Variants in ZNF626 observed in about 807,000 individuals in gnomAD.
ZNF626 encodes the protein CTC-513N18.7.
Under a neutral mutation model 11.7 loss-of-function variants are expected in ZNF626, and 4 were observed. The observed-to-expected ratio is 0.34, with a 90% CI of 0.17 to 0.78. ZNF626 has a LOEUF of 0.78. Ranked by LOEUF, ZNF626 falls within the 30% of genes least tolerant of loss-of-function variation. ZNF626 has a pLI of 0.57. For synonymous variants in ZNF626, 179 were observed against 198.6 expected, an observed-to-expected ratio of 0.90 and a Z score of 0.83; for missense variants, 588 against 587.1, an observed-to-expected ratio of 1.00 and a Z score of -0.01.
intron 3 of ZNF626, chr19:20,644,613 T>C (rs1970055284): frequency 8.3e-6 from 1 of 119,782 alleles, no homozygotes; most frequent in African/African-American, 3.6e-5. Flanking sequence ...AACTATATTG[T>C]GCCCATTTTC....
At chr19:20,633,034 G>A (rs1452995280) in intron 3 of ZNF626, among the ~76,000 whole-genome samples, 2 of 152,160 alleles carry the variant, frequency 1.3e-5, no homozygotes, top group Non-Finnish European at 2.9e-5. Flanking sequence ...GTCTGTTGAA[G>A]TTTGCTGGAG....
At chr19:20,645,521 A>G (rs1181365032) in intron 3 of ZNF626, 163 bp downstream of exon 3, 6 of 1,565,400 alleles carry the variant, frequency 3.8e-6, no homozygotes, top group Non-Finnish European at 5.2e-6. Flanking sequence ...AGCAAAATTA[A>G]AAAAGAAAAA....
rs1969804960 is a variant in ZNF626 at position 20,624,855 on chromosome 19, T to TA, written c.1021dup (p.Tyr341LeufsTer4). On this transcript the variant is annotated frameshift_variant, in exon 4 of 4. Coordinates refer to ENST00000601440, the MANE Select transcript of ZNF626 (RefSeq NM_001076675.3). LOFTEE classifies it low-confidence loss of function (END_TRUNC). ...GGCTTTGCCACATTCTTCACATTTG[T>TA]AGGGTTTGTCTTCAGTATGAATTCT... 1 of 1,613,756 alleles carries TA rather than the reference T, an allele frequency of 6.2e-7. No homozygotes were observed. Among genetic ancestry groups the TA allele is most frequent in the Non-Finnish European group, 8.5e-7 (1 of 1,179,970 alleles).
At position 20,623,568 on chromosome 19, in the gene ZNF626, G is replaced by A. The variant is rs1555768983; in HGVS notation, c.*722C>T. The stretch of plus-strand genomic sequence containing the variant: ...AATTGCAACACTTTAGGAGGCTGAG[G>A]TGGGTGGATCATGTGAGGTCAGGGG... On this transcript the variant is annotated 3_prime_UTR_variant, in exon 4 of 4. Transcript: ENST00000601440. 1 of 159,504 alleles carries A rather than the reference G, an allele frequency of 6.3e-6. No individual in the cohort carries two copies. Among genetic ancestry groups the A allele is most frequent in the African/African-American group, 2.4e-5 (1 of 41,452 alleles). The allele number at this position is 159,504 out of a possible 1,614,324, so 9.9% of individuals were successfully genotyped here. A position where few individuals can be genotyped will look rare whatever the true frequency, so the allele number is the denominator to read the frequency against.
intron 3 of ZNF626, among the ~76,000 whole-genome samples, chr19:20,643,539 A>T (rs1483336399): frequency 6.6e-6 from 1 of 152,200 alleles, no homozygotes; most frequent in Admixed American, 6.5e-5. Context: ...ATATTATCCT[A>T]AATAACTGAA....
chr19:20,626,231 T>A (rs1555769679), intron 3 of ZNF626, among the ~76,000 whole-genome samples: 1 of 152,010 alleles, frequency 6.6e-6, no homozygotes, highest in African/African-American at 2.4e-5. Context: ...GAATCTCTAG[T>A]TAAGACAATT....
chr19:20,651,510 A>ACT (rs1379749119), intron 1 of ZNF626, among the ~76,000 whole-genome samples: 1 of 152,070 alleles, frequency 6.6e-6, no homozygotes, highest in Non-Finnish European at 1.5e-5. Flanking sequence ...AACTGGAGAA[A>ACT]CTCTCATCTG....
At chr19:20,654,602 G>A (rs928997569) in intron 1 of ZNF626, among the ~76,000 whole-genome samples, 31 of 151,922 alleles carry the variant, frequency 2.0e-4, no homozygotes, top group African/African-American at 6.5e-4. Flanking sequence ...CCAGCTACTC[G>A]GGAGGCTGAG....
chr19:20,636,911 C>G (rs542134193), intron 3 of ZNF626, among the ~76,000 whole-genome samples: 1 of 150,296 alleles, frequency 6.7e-6, no homozygotes, highest in East Asian at 2.0e-4. Context: ...GTCCCAGCTA[C>G]TGAGGAGGAC....
rs34417157 is a variant in ZNF626 at position 20,648,175 on chromosome 19, CA to C, written c.4-1771del. ...TCAGTGACAAAGCCAGACTCCGTGT[CA>C]AAAAAAAAAAAAAAAGAATCATCAG... is the stretch of plus-strand genomic sequence containing the variant. On this transcript the variant is annotated intron_variant, in intron 1 of 3. Transcript: ENST00000601440. Among the ~76,000 whole-genome samples the C allele has an allele frequency of 1.8e-3, 188 of 104,084 alleles. 1 individual carries two copies. The highest frequency in any genetic ancestry group is 0.011 in the Middle Eastern group (2 of 184). 68.3% of individuals were successfully genotyped at this position (104,084 alleles called of 152,430 possible).
At chr19:20,627,994 T>C (rs1368674776) in intron 3 of ZNF626, among the ~76,000 whole-genome samples, 2 of 152,184 alleles carry the variant, frequency 1.3e-5, no homozygotes, top group Admixed American at 6.5e-5. Flanking sequence ...GTATTCTCAT[T>C]GTTCAATTCC....
intron 3 of ZNF626, among the ~76,000 whole-genome samples, chr19:20,628,554 GT>G (rs1422659715): frequency 3.3e-5 from 5 of 152,006 alleles, no homozygotes; most frequent in African/African-American, 1.2e-4. Flanking sequence ...TTTTTCATCT[GT>G]TTTTTTGGCT....
At chr19:20,626,588 T>C (rs1332653134) in intron 3 of ZNF626, among the ~76,000 whole-genome samples, 1 of 151,488 alleles carries the variant, frequency 6.6e-6, no homozygotes. Context: ...CATGGTGGCA[T>C]GTGCCTGTAA....
In ZNF626 at chr19:20,620,990, C is replaced by G. The variant is rs545799396; in HGVS notation, c.*3300G>C. 6.6e-6 allele frequency: 1 copy of G among 152,356 alleles called. No individual in the cohort carries two copies. The highest frequency in any genetic ancestry group is 1.5e-5 in the Non-Finnish European group (1 of 68,382). The allele number at this position is 152,356 out of a possible 1,614,324, so 9.4% of individuals were successfully genotyped here. On this transcript the variant is annotated 3_prime_UTR_variant, in exon 4 of 4. Transcript: ENST00000601440. ...AGTAGCTGGGACTACAGGCGCCCACCACCACGCCCAGCTAATTTATTTTTA... is the reference window on the plus strand; with the variant it reads ...AGTAGCTGGGACTACAGGCGCCCACGACCACGCCCAGCTAATTTATTTTTA...
chr19:20,624,801 T>C lies in ZNF626; in HGVS notation c.1076A>G (p.His359Arg), dbSNP rs782063355. The C allele has an allele frequency of 2.5e-6, 4 of 1,613,836 alleles. No homozygotes were observed. Among genetic ancestry groups the C allele is most frequent in the Non-Finnish European group, 2.5e-6 (3 of 1,179,992 alleles). ...TTTCTCTCCAGTATGAATTCTCTTA[T>C]GTGTAGTAAGGGTAGAGGAGTACTT... ...AFKYSSTLTT[H>R]KRIHTGEKPY... is the part of the protein sequence containing the mutation. Residue 359 changes from histidine (H) to arginine (R), a missense_variant, in exon 4 of 4, where the codon CAT becomes CGT. His to Arg is a conservative substitution (Grantham distance 29, BLOSUM62 0). Coordinates refer to ENST00000601440, the MANE Select transcript of ZNF626 (RefSeq NM_001076675.3).
intron 1 of ZNF626, among the ~76,000 whole-genome samples, chr19:20,647,493 T>TA (rs1970093836): frequency 6.8e-6 from 1 of 148,082 alleles, no homozygotes; most frequent in Admixed American, 6.8e-5. Context: ...GGTTTTTTTT[T>TA]TTTTTTTTTT....
intron 1 of ZNF626, among the ~76,000 whole-genome samples, chr19:20,654,836 G>A (rs1204664482): frequency 6.6e-6 from 1 of 151,844 alleles, no homozygotes; most frequent in African/African-American, 2.4e-5. Flanking sequence ...AGAAAATACT[G>A]TTTATGGCTC....
intron 1 of ZNF626, among the ~76,000 whole-genome samples, chr19:20,661,042 C>A (rs1480005007): frequency 6.6e-6 from 1 of 152,228 alleles, no homozygotes; most frequent in Non-Finnish European, 1.5e-5. Flanking sequence ...AGCGTCCGGC[C>A]CCATACATTT....
At chr19:20,631,780 C>T (rs1220468314) in intron 3 of ZNF626, among the ~76,000 whole-genome samples, 1 of 151,336 alleles carries the variant, frequency 6.6e-6, no homozygotes, top group Non-Finnish European at 1.5e-5. Flanking sequence ...AGCATTTAGC[C>T]CATTTACATT....
Sources: gnomAD v4.1 joint callset for allele counts (sites outside exome capture counted in the v4.1 genomes callset) on GRCh38, gnomAD v4.1.1 for gene constraint, MANE v1.5 for transcripts, NCBI Gene and HGNC (gene_info 2026-07-23, HGNC 2026-07-21) for gene names.